The following UBE2L3 variants were observed in gnomAD, a reference collection of about 807,000 sequenced individuals.
The protein encoded by UBE2L3 is ubiquitin conjugating enzyme E2 L3.
UBE2L3 carries 1 observed loss-of-function variant against 17.8 expected under a neutral mutation model. The ratio of observed to expected loss-of-function variants is 0.06; its 90% CI spans 0.02 to 0.27. UBE2L3 has a LOEUF of 0.27. Ranked by LOEUF, UBE2L3 falls within the 10% of genes least tolerant of loss-of-function variation. The probability of loss-of-function intolerance (pLI) is 1.00; values close to 1 mark genes in which losing one functional copy is unlikely to be tolerated. For synonymous variants in UBE2L3, 44 were observed against 68.5 expected, an observed-to-expected ratio of 0.64 and a Z score of 1.76; for missense variants, 40 against 192.6, an observed-to-expected ratio of 0.21 and a Z score of 4.69.
rs1385059830 is a variant in UBE2L3, at chr22:21,601,737, T to G, written c.123+8781T>G. Among the ~76,000 whole-genome samples the G allele has an allele frequency of 1.3e-5, 2 of 150,662 alleles. 1 individual carries two copies. Among genetic ancestry groups the G allele is most frequent in the African/African-American group, 4.9e-5 (2 of 40,950 alleles). The stretch of plus-strand genomic sequence containing the variant: ...CTGTAATCCCAGCACTTTGGGAGGC[T>G]GAGGCAGGCGGGTCACGAGGTCAGG... On this transcript the variant is annotated intron_variant, in intron 2 of 3. Coordinates refer to ENST00000342192, the MANE Select transcript of UBE2L3 (RefSeq NM_003347.4).
At chr22:21,592,269 C>A (rs549049277) in intron 1 of UBE2L3, among the ~76,000 whole-genome samples, 218 of 152,194 alleles carry the variant, frequency 1.4e-3, no homozygotes, top group Non-Finnish European at 1.6e-3. Flanking sequence ...CCCCACCCCC[C>A]CACTCCCACC....
At chr22:21,612,832 TCACCACGTTGACCAGGCTGGTCTCGAA>T (rs1282775485) in intron 3 of UBE2L3, among the ~76,000 whole-genome samples, 7 of 151,642 alleles carry the variant, frequency 4.6e-5, no homozygotes, top group African/African-American at 1.7e-4. Context: ...AGACGGGGTT[TCACCACGTTGACCAGGCTGGTCTCGAA>T]CTCCTGACAT....
chr22:21,606,736 C>A (rs1241374693), intron 2 of UBE2L3, among the ~76,000 whole-genome samples: 1 of 152,144 alleles, frequency 6.6e-6, no homozygotes, highest in Non-Finnish European at 1.5e-5. Context: ...GTAGTCCCAG[C>A]TACTTGGGAG....
intron 1 of UBE2L3, among the ~76,000 whole-genome samples, chr22:21,589,367 T>C (rs1485962601): frequency 6.7e-6 from 1 of 150,290 alleles, no homozygotes; most frequent in African/African-American, 2.5e-5. Flanking sequence ...CAGGATGGTC[T>C]TGATCTCCTG....
intron 2 of UBE2L3, among the ~76,000 whole-genome samples, chr22:21,604,916 A>C (rs1275042812): frequency 6.6e-6 from 1 of 152,194 alleles, no homozygotes; most frequent in South Asian, 2.1e-4. Context: ...GGCCTGCCTC[A>C]TGTAGTAACA....
chr22:21,569,460 C>T (rs935733857), intron 1 of UBE2L3, among the ~76,000 whole-genome samples: 1 of 150,284 alleles, frequency 6.7e-6, no homozygotes, highest in Non-Finnish European at 1.5e-5. Flanking sequence ...ACTGAAATTA[C>T]TCTGAATCTA....
At chr22:21,581,659 G>A (rs906487106) in intron 1 of UBE2L3, among the ~76,000 whole-genome samples, 4 of 151,836 alleles carry the variant, frequency 2.6e-5, no homozygotes, top group African/African-American at 7.2e-5. Context: ...AAAATTAGCC[G>A]GGCATGGTGG....
chr22:21,606,331 G>GGTGT (rs1208292662), intron 2 of UBE2L3, among the ~76,000 whole-genome samples: 2 of 151,100 alleles, frequency 1.3e-5, no homozygotes, highest in South Asian at 2.1e-4. Flanking sequence ...GTGTGTGTGT[G>GGTGT]GTGTGTGTGT....
At chr22:21,600,877 C>T (rs1185421411) in intron 2 of UBE2L3, among the ~76,000 whole-genome samples, 1 of 151,916 alleles carries the variant, frequency 6.6e-6, no homozygotes, top group Non-Finnish European at 1.5e-5. Flanking sequence ...ACAATAAATA[C>T]TTAAAGGCAA....
At chr22:21,616,992 C>G (rs1341478027) in intron 3 of UBE2L3, among the ~76,000 whole-genome samples, 2 of 151,646 alleles carry the variant, frequency 1.3e-5, no homozygotes, top group Non-Finnish European at 2.9e-5. Flanking sequence ...GGGCAGATCA[C>G]GAGGTCAGGA....
rs944398694 is a variant in UBE2L3, at chr22:21,610,782, CAATT to C, written c.124-72_124-69del. The C allele has an allele frequency of 5.7e-6, 8 of 1,401,098 alleles. No homozygotes were observed. The Admixed American group carries it at 8.5e-5, about 15-fold the overall frequency. The allele number at this position is 1,401,098 out of a possible 1,614,324, so 86.8% of individuals were successfully genotyped here. On this transcript the variant is annotated intron_variant, in intron 2 of 3. Coordinates refer to ENST00000342192, the MANE Select transcript of UBE2L3 (RefSeq NM_003347.4). ...GAAATAAATTGATTTTTCAGATAAA[CAATT>C]AAAACATTCCTGTCTTGGCCATAGG...
At chr22:21,617,144 T>TA (rs552706292) in intron 3 of UBE2L3, among the ~76,000 whole-genome samples, 7,576 of 110,524 alleles carry the variant, frequency 0.069, 579 homozygotes, top group African/African-American at 0.19. Context: ...AACTCTGTCT[T>TA]AAAAAAAAAA....
intron 3 of UBE2L3, among the ~76,000 whole-genome samples, chr22:21,618,217 A>C (rs923930329): frequency 6.6e-6 from 1 of 151,632 alleles, no homozygotes; most frequent in Non-Finnish European, 1.5e-5. Flanking sequence ...CAAATTAGTG[A>C]AACTATAAAA....
intron 1 of UBE2L3, among the ~76,000 whole-genome samples, chr22:21,559,104 T>C (rs1356230893): frequency 6.6e-6 from 1 of 151,698 alleles, no homozygotes; most frequent in Non-Finnish European, 1.5e-5. Flanking sequence ...CTCAGCAGTT[T>C]GGGAGGCCAA....
intron 2 of UBE2L3, among the ~76,000 whole-genome samples, chr22:21,596,940 C>T (rs1204583821): frequency 6.6e-6 from 1 of 152,058 alleles, no homozygotes; most frequent in Non-Finnish European, 1.5e-5. Context: ...TTTCTTCATA[C>T]TAAGGATGTA....
chr22:21,615,070 A>C (rs1476804793), intron 3 of UBE2L3, among the ~76,000 whole-genome samples: 2 of 151,852 alleles, frequency 1.3e-5, no homozygotes, highest in Non-Finnish European at 2.9e-5. Context: ...CTGGAGAATC[A>C]CTTGAACCTG....
At chr22:21,558,247 G>A (rs1447098357) in intron 1 of UBE2L3, among the ~76,000 whole-genome samples, 1 of 151,976 alleles carries the variant, frequency 6.6e-6, no homozygotes, top group Non-Finnish European at 1.5e-5. Flanking sequence ...TCCATCCTGA[G>A]AGCCTGCAGG....
intron 1 of UBE2L3, among the ~76,000 whole-genome samples, chr22:21,578,620 C>T (rs1175857499): frequency 6.6e-6 from 1 of 152,040 alleles, no homozygotes; most frequent in African/African-American, 2.4e-5. Flanking sequence ...CAGATGGACA[C>T]GGAAACACCT....
chr22:21,611,320 A>G (rs977265341), intron 3 of UBE2L3, among the ~76,000 whole-genome samples: 1 of 152,208 alleles, frequency 6.6e-6, no homozygotes, highest in Admixed American at 6.5e-5. Context: ...CTGCTGGTGC[A>G]GAGAGGTGCA....
Sources: gnomAD v4.1 joint callset for allele counts (sites outside exome capture counted in the v4.1 genomes callset) on GRCh38, gnomAD v4.1.1 for gene constraint, MANE v1.5 for transcripts, NCBI Gene and HGNC (gene_info 2026-07-23, HGNC 2026-07-21) for gene names.